CLSTN2: variants seen among roughly 807,000 people sequenced by gnomAD.
CLSTN2 encodes calsyntenin-2.
CLSTN2 carries 48 observed loss-of-function variants against 101.2 expected under a neutral mutation model. The ratio of observed to expected loss-of-function variants is 0.47; its 90% CI spans 0.38 to 0.60. The LOEUF (loss-of-function observed/expected upper bound fraction) is 0.60, where lower values mean the gene tolerates loss of function less well. Among genes scored for constraint, CLSTN2 ranks in the 20% least tolerant of loss-of-function variants. The pLI is 0.00. For synonymous variants in CLSTN2, 481 were observed against 463.6 expected (o/e 1.04, Z -0.48); for missense variants, 1,160 against 1,238.2 (o/e 0.94, Z 0.95).
At chr3:139,942,516 G>A (rs1217009887) in intron 1 of CLSTN2, among the ~76,000 whole-genome samples, 1 of 152,124 alleles carries the variant, frequency 6.6e-6, no homozygotes, top group Non-Finnish European at 1.5e-5. Flanking sequence ...CATATTAGGT[G>A]GCTAGATAAC....
intron 8 of CLSTN2, among the ~76,000 whole-genome samples, chr3:140,515,431 T>C (rs1018131338): frequency 3.3e-5 from 5 of 152,154 alleles, no homozygotes; most frequent in Non-Finnish European, 7.4e-5. Flanking sequence ...TTTGTTCTTG[T>C]TTCCCTAGTT....
chr3:140,104,133 C>A (rs971322863), intron 1 of CLSTN2, among the ~76,000 whole-genome samples: 2 of 152,190 alleles, frequency 1.3e-5, no homozygotes, highest in Non-Finnish European at 2.9e-5. Flanking sequence ...CACTATCATG[C>A]AGTTAGTGAG....
At chr3:140,156,509 G>A (rs544668637) in intron 1 of CLSTN2, among the ~76,000 whole-genome samples, 56 of 152,316 alleles carry the variant, frequency 3.7e-4, no homozygotes, top group African/African-American at 1.3e-3. Context: ...CTCTGAGAAA[G>A]TTTCTCACAG....
chr3:140,235,024 G>A (rs36019310), intron 2 of CLSTN2, among the ~76,000 whole-genome samples: 5,550 of 152,172 alleles, frequency 0.036, 151 homozygotes, highest in Non-Finnish European at 0.058. Context: ...TTATCTCCTT[G>A]GGTGTTTATT....
chr3:139,971,002 T>C (rs1935692676), intron 1 of CLSTN2, among the ~76,000 whole-genome samples: 2 of 152,316 alleles, frequency 1.3e-5, no homozygotes, highest in South Asian at 4.1e-4. Flanking sequence ...GGTGACTTTT[T>C]GCCTTGAGGA....
rs2107786755 is a variant in CLSTN2, at chr3:140,546,557, G to C, written c.1550G>C (p.Gly517Ala). Residue 517 changes from glycine to alanine, a missense_variant, in exon 10 of 17, where the codon GGA (glycine) becomes GCA (alanine). Gly to Ala is a moderately conservative substitution (Grantham distance 60, BLOSUM62 0). Transcript: ENST00000458420. ...TKPQFAQFFH[G>A]SLASLTIRPG... ...CCACAGTTTGCTCAGTTCTTTCATG[G>C]AAGCCTGGCCAGTCTCACCATCCGC... 1 of 1,614,124 alleles carries C rather than the reference G, an allele frequency of 6.2e-7. No individual in the cohort carries two copies. The highest frequency in any genetic ancestry group is 2.2e-5 in the East Asian group (1 of 44,876).
At chr3:140,446,357 A>G (rs574296750) in intron 5 of CLSTN2, among the ~76,000 whole-genome samples, 337 of 152,278 alleles carry the variant, frequency 2.2e-3, no homozygotes, top group Admixed American at 5.6e-3. Context: ...TCCTCTTATT[A>G]TAAGTACCCT....
At chr3:140,232,519 C>T (rs956916301) in intron 2 of CLSTN2, among the ~76,000 whole-genome samples, 2 of 152,058 alleles carry the variant, frequency 1.3e-5, no homozygotes, top group Admixed American at 6.6e-5. Flanking sequence ...TGAGATCCCA[C>T]GACTTTGATC....
At chr3:140,275,776 C>A (rs1401852827) in intron 2 of CLSTN2, among the ~76,000 whole-genome samples, 6 of 152,120 alleles carry the variant, frequency 3.9e-5, no homozygotes. Context: ...GCTAGGAAAG[C>A]AGCAGAGTAA....
intron 2 of CLSTN2, among the ~76,000 whole-genome samples, chr3:140,285,500 C>T (rs367929806): frequency 6.6e-6 from 1 of 152,100 alleles, no homozygotes; most frequent in East Asian, 1.9e-4. Flanking sequence ...TGGGGTGCAG[C>T]AGAAGCAGGA....
At chr3:140,282,526 G>A (rs139979929) in intron 2 of CLSTN2, among the ~76,000 whole-genome samples, 2 of 152,332 alleles carry the variant, frequency 1.3e-5, no homozygotes, top group African/African-American at 4.8e-5. Flanking sequence ...AGAGCTTTCT[G>A]TGAAGTCTGC....
chr3:140,175,925 T>C (rs948861214), intron 1 of CLSTN2, 26 bp from the exon 2 acceptor site: 4 of 1,600,816 alleles, frequency 2.5e-6, no homozygotes, highest in Non-Finnish European at 3.4e-6. Flanking sequence ...AATGATCCTT[T>C]TTGTTTTTTC....
chr3:140,044,323 C>T (rs1259374274), intron 1 of CLSTN2, among the ~76,000 whole-genome samples: 11 of 152,122 alleles, frequency 7.2e-5, no homozygotes, highest in Non-Finnish European at 1.3e-4. Flanking sequence ...TGATTTGGCT[C>T]TCTGTTTGTC....
intron 2 of CLSTN2, among the ~76,000 whole-genome samples, chr3:140,272,470 T>C (rs1466915282): frequency 1.3e-5 from 2 of 152,116 alleles, no homozygotes; most frequent in Non-Finnish European, 2.9e-5. Flanking sequence ...GAATGACTGG[T>C]CGGGTGTGGT....
At chr3:140,442,950 G>C (rs1425358426) in intron 5 of CLSTN2, among the ~76,000 whole-genome samples, 1 of 152,218 alleles carries the variant, frequency 6.6e-6, no homozygotes, top group Non-Finnish European at 1.5e-5. Flanking sequence ...CTTCCAGTAG[G>C]AGGGGAAGAC....
At chr3:140,043,122 T>C (rs2007795669) in intron 1 of CLSTN2, among the ~76,000 whole-genome samples, 1 of 152,196 alleles carries the variant, frequency 6.6e-6, no homozygotes, top group Non-Finnish European at 1.5e-5. Context: ...ATGGTTGAAC[T>C]AGTTTACAGT....
In CLSTN2 at chr3:140,226,589, G is replaced by T. The variant is rs189657612; in HGVS notation, c.232+50516G>T. On this transcript the variant is annotated intron_variant, in intron 2 of 16. Transcript: ENST00000458420. ...TATTTGAAATTTTTTATAATAAAAT[G>T]TTGGAAAAAAGATGTTAGAAATGTG... Among the ~76,000 whole-genome samples, 31 of 152,238 alleles carry T rather than the reference G, an allele frequency of 2.0e-4. 1 individual carries two copies. The East Asian group carries it at 3.1e-3, about 15-fold the overall frequency.
chr3:140,504,736 A>G (rs890338491), intron 8 of CLSTN2, among the ~76,000 whole-genome samples: 7 of 152,212 alleles, frequency 4.6e-5, no homozygotes, highest in Non-Finnish European at 1.0e-4. Flanking sequence ...AGTCTATCCT[A>G]GGTGATTAAT....
chr3:140,285,946 C>T (rs1475812772), intron 2 of CLSTN2, among the ~76,000 whole-genome samples: 1 of 152,148 alleles, frequency 6.6e-6, no homozygotes, highest in African/African-American at 2.4e-5. Flanking sequence ...GGGCTTAGCA[C>T]TTTTCGAAAT....
Sources: allele counts gnomAD v4.1 joint callset (sites outside exome capture counted in the v4.1 genomes callset), GRCh38; gene constraint gnomAD v4.1.1; transcripts MANE v1.5; gene names NCBI Gene and HGNC (gene_info 2026-07-23, HGNC 2026-07-21).